The following CNOT2 variants were observed in gnomAD, a reference collection of about 807,000 sequenced individuals.
CNOT2 encodes the protein CCR4-NOT transcription complex subunit 2.
Under a neutral mutation model 72.1 loss-of-function variants are expected in CNOT2, and 7 were observed. The observed-to-expected ratio is 0.10, with a 90% CI of 0.06 to 0.18. CNOT2 has a LOEUF of 0.18. Among genes scored for constraint, CNOT2 ranks in the 10% least tolerant of loss-of-function variants. The pLI is 1.00. For missense variants in CNOT2, 345 were observed against 660.3 expected, an observed-to-expected ratio of 0.52 and a Z score of 5.23; for synonymous variants, 196 against 225.6, an observed-to-expected ratio of 0.87 and a Z score of 1.17.
At chr12:70,243,617 C>T (rs1486541156) in intron 1 of CNOT2, 137 bp downstream of exon 1, 2 of 151,796 alleles carry the variant, frequency 1.3e-5, no homozygotes, top group African/African-American at 4.8e-5. Flanking sequence ...GCGTCCCGGC[C>T]CACCGCTTCC....
chr12:70,310,877 A>C lies in CNOT2; in HGVS notation c.49-18A>C. ...TTTCCAAAGTATTACCCCTGATAAAAGTAATATTTTTGTTTAGGTGACAAA... is the reference window on the plus strand; with the variant it reads ...TTTCCAAAGTATTACCCCTGATAAACGTAATATTTTTGTTTAGGTGACAAA... On this transcript the variant is annotated intron_variant, in intron 2 of 15. Transcript: ENST00000229195. 6.2e-7 allele frequency: 1 copy of C among 1,608,602 alleles called. No homozygotes were observed. Among genetic ancestry groups the C allele is most frequent in the South Asian group, 1.1e-5 (1 of 90,474 alleles).
intron 9 of CNOT2, 167 bp downstream of exon 9, chr12:70,337,680 C>A (rs1220852933): frequency 2.6e-6 from 2 of 759,280 alleles, no homozygotes; most frequent in Admixed American, 4.6e-5. Context: ...AGAAGATAGC[C>A]TATTTTTTTC....
intron 4 of CNOT2, among the ~76,000 whole-genome samples, chr12:70,324,707 A>G (rs1475419624): frequency 6.6e-6 from 1 of 151,858 alleles, no homozygotes; most frequent in Non-Finnish European, 1.5e-5. Context: ...GCCACTTCTC[A>G]TAGTTGTGGA....
chr12:70,343,515 T>C (rs1230066261), intron 13 of CNOT2, among the ~76,000 whole-genome samples: 1 of 152,224 alleles, frequency 6.6e-6, no homozygotes, highest in African/African-American at 2.4e-5. Flanking sequence ...TTTATGATTT[T>C]TGTATTCATC....
intron 2 of CNOT2, among the ~76,000 whole-genome samples, chr12:70,294,630 T>G (rs569085082): frequency 1.3e-5 from 2 of 152,136 alleles, no homozygotes; most frequent in African/African-American, 4.8e-5. Context: ...AAAAAAAAAG[T>G]TGGGGAAGGC....
intron 1 of CNOT2, among the ~76,000 whole-genome samples, chr12:70,251,822 G>A (rs1164847069): frequency 2.0e-5 from 3 of 152,072 alleles, no homozygotes; most frequent in Admixed American, 6.5e-5. Flanking sequence ...AGATTTTTCC[G>A]TTACTGGGGT....
intron 2 of CNOT2, among the ~76,000 whole-genome samples, chr12:70,284,462 T>C (rs1870504722): frequency 1.3e-5 from 2 of 152,030 alleles, no homozygotes; most frequent in South Asian, 4.1e-4. Flanking sequence ...GCCACGCTAG[T>C]CTCAAACTCC....
chr12:70,292,222 G>T (rs1872040951), intron 2 of CNOT2, among the ~76,000 whole-genome samples: 1 of 152,166 alleles, frequency 6.6e-6, no homozygotes, highest in South Asian at 2.1e-4. Flanking sequence ...CATCAGCTCT[G>T]TGGTGATGTG....
chr12:70,336,402 A>T (rs1048754883), intron 8 of CNOT2: 2 of 152,136 alleles, frequency 1.3e-5, no homozygotes, highest in Admixed American at 6.6e-5. Flanking sequence ...CAATGTAGCT[A>T]TACTATTTTT....
intron 1 of CNOT2, among the ~76,000 whole-genome samples, chr12:70,267,047 A>G (rs1009479478): frequency 3.3e-5 from 5 of 151,432 alleles, no homozygotes; most frequent in African/African-American, 1.2e-4. Flanking sequence ...CATTTTACTT[A>G]TTGAGTTTTT....
At chr12:70,345,430 C>G (rs1047978366) in intron 14 of CNOT2, 5 of 152,140 alleles carry the variant, frequency 3.3e-5, no homozygotes, top group African/African-American at 1.2e-4. Flanking sequence ...CATTCAGGCA[C>G]TCATTCATCT....
chr12:70,299,041 G>A (rs890143395), intron 2 of CNOT2, among the ~76,000 whole-genome samples: 1 of 152,006 alleles, frequency 6.6e-6, no homozygotes, highest in African/African-American at 2.4e-5. Flanking sequence ...AGACGTACCC[G>A]AGACTGGGTA....
chr12:70,246,345 G>A (rs1263899911), intron 1 of CNOT2, among the ~76,000 whole-genome samples: 2 of 152,108 alleles, frequency 1.3e-5, no homozygotes, highest in Non-Finnish European at 2.9e-5. Context: ...GAGATTTCAG[G>A]AAAATATACC....
At chr12:70,329,954 A>G (rs562952508) in intron 5 of CNOT2, among the ~76,000 whole-genome samples, 3 of 152,144 alleles carry the variant, frequency 2.0e-5, no homozygotes, top group South Asian at 4.1e-4. Context: ...GACATAGACT[A>G]TACATTTAGT....
At position 70,270,996 on chromosome 12, in the gene CNOT2, GACTAA is replaced by G. The variant is rs1440545261; in HGVS notation, c.-95-7133_-95-7129del. ...GGTTTAGGAAACTTTTGGTTCAATT[GACTAA>G]ACAGTATGGAAAACTATTTTCTCAC... On this transcript the variant is annotated intron_variant, in intron 1 of 15. Transcript: ENST00000229195. 2.0e-5 allele frequency among the ~76,000 whole-genome samples: 3 copies of G among 152,208 alleles called. No individual in the cohort carries two copies. The East Asian group carries it at 5.8e-4, about 29-fold the overall frequency.
chr12:70,250,597 G>A (rs1958096846), intron 1 of CNOT2, among the ~76,000 whole-genome samples: 1 of 151,974 alleles, frequency 6.6e-6, no homozygotes, highest in Non-Finnish European at 1.5e-5. Context: ...AAAATAAAGG[G>A]GGATAAAGGT....
intron 7 of CNOT2, chr12:70,335,164 G>T: frequency 4.4e-6 from 1 of 229,554 alleles, no homozygotes; most frequent in Non-Finnish European, 8.6e-6. Context: ...TCTTCCATGG[G>T]GGAAATATAT....
At chr12:70,327,056 GA>G (rs1219681080) in intron 4 of CNOT2, among the ~76,000 whole-genome samples, 1 of 151,842 alleles carries the variant, frequency 6.6e-6, no homozygotes, top group Non-Finnish European at 1.5e-5. Context: ...AAATTTTTAT[GA>G]TACAGCATAG....
At chr12:70,276,964 T>G (rs1385551752) in intron 1 of CNOT2, among the ~76,000 whole-genome samples, 1 of 152,048 alleles carries the variant, frequency 6.6e-6, no homozygotes, top group East Asian at 1.9e-4. Flanking sequence ...TTTTTAATTT[T>G]TTTTTAAATG....
Sources: gnomAD v4.1 joint callset for allele counts (sites outside exome capture counted in the v4.1 genomes callset) on GRCh38, gnomAD v4.1.1 for gene constraint, MANE v1.5 for transcripts, NCBI Gene and HGNC (gene_info 2026-07-23, HGNC 2026-07-21) for gene names.